MEI1: variants seen among roughly 807,000 people sequenced by gnomAD.
MEI1 encodes meiotic double-stranded break formation protein 1.
MEI1 carries 103 observed loss-of-function variants against 146.2 expected under a neutral mutation model. The ratio of observed to expected loss-of-function variants is 0.70; its 90% CI spans 0.60 to 0.83. The LOEUF is 0.83. Ranked by LOEUF, MEI1 falls within the 40% of genes least tolerant of loss-of-function variation. The pLI, the probability that MEI1 is intolerant of heterozygous loss-of-function variation, is 0.00. For synonymous variants in MEI1, 652 were observed against 628.2 expected (o/e 1.04, Z -0.57); for missense variants, 1,529 against 1,533.0 (o/e 1.00, Z 0.04).
intron 13 of MEI1, among the ~76,000 whole-genome samples, chr22:41,745,669 T>G (rs1237086028): frequency 6.6e-6 from 1 of 151,954 alleles, no homozygotes; most frequent in East Asian, 1.9e-4. Context: ...GAAGTACACA[T>G]AGTTGGGGGA....
Position 41,784,608 on chromosome 22 carries a change from C to G in MEI1, c.3170C>G (p.Ala1057Gly). 1 of 1,611,446 alleles carries G rather than the reference C, an allele frequency of 6.2e-7. No individual in the cohort carries two copies. Among genetic ancestry groups the G allele is most frequent in the Non-Finnish European group, 8.5e-7 (1 of 1,179,536 alleles). ...FPKKKAALLS[A>G]AILCFLRTAL... is the part of the protein sequence containing the mutation. ...GGTGTAAGGAATCTCCTGCTTCCAG[C>G]TGCCATCTTATGCTTCCTGCGGACA... Residue 1057 changes from alanine (A) to glycine (G), a missense_variant and splice_region_variant, in exon 26 of 31, where the codon GCT becomes GGT. Physicochemically the swap from Ala to Gly is moderately conservative, Grantham distance 60. Transcript: ENST00000401548.
intron 30 of MEI1, among the ~76,000 whole-genome samples, chr22:41,798,887 A>G (rs1369541184): frequency 6.6e-6 from 1 of 151,822 alleles, no homozygotes; most frequent in African/African-American, 2.4e-5. Flanking sequence ...AAAAAAAAAA[A>G]AAAAAAGCAA....
chr22:41,780,213 AT>A (rs2148139128), intron 22 of MEI1, among the ~76,000 whole-genome samples: 1 of 152,336 alleles, frequency 6.6e-6, no homozygotes, highest in East Asian at 1.9e-4. Context: ...ATGAAATGTA[AT>A]AGGACATTTA....
chr22:41,759,916 G>A (rs2074362158), intron 18 of MEI1, among the ~76,000 whole-genome samples: 1 of 152,182 alleles, frequency 6.6e-6, no homozygotes, highest in South Asian at 2.1e-4. Context: ...GCTCACATCT[G>A]TAATCCCAGC....
intron 22 of MEI1, 53 bp downstream of exon 22, chr22:41,778,865 G>A (rs1158886931): frequency 4.7e-6 from 6 of 1,289,518 alleles, no homozygotes; most frequent in Non-Finnish European, 6.6e-6. Flanking sequence ...GACGTGCAGT[G>A]GGTGCTCACT....
chr22:41,748,861 T>C (rs923810698), intron 15 of MEI1, among the ~76,000 whole-genome samples: 1 of 152,052 alleles, frequency 6.6e-6, no homozygotes, highest in Admixed American at 6.6e-5. Flanking sequence ...TGGAGTGCAG[T>C]GGTACGAACT....
intron 13 of MEI1, 112 bp downstream of exon 13, chr22:41,745,176 T>A: frequency 1.3e-6 from 1 of 769,242 alleles, no homozygotes; most frequent in Non-Finnish European, 1.9e-6. Context: ...CTCTGCTGTA[T>A]GGCAAAGAGG....
chr22:41,766,894 T>G (rs1002142009), intron 19 of MEI1, among the ~76,000 whole-genome samples: 1 of 152,158 alleles, frequency 6.6e-6, no homozygotes, highest in Non-Finnish European at 1.5e-5. Flanking sequence ...CAGGAAGTTG[T>G]TCTGATTAGA....
At chr22:41,758,039 G>A (rs2074209655) in intron 17 of MEI1, among the ~76,000 whole-genome samples, 1 of 151,990 alleles carries the variant, frequency 6.6e-6, no homozygotes, top group Admixed American at 6.6e-5. Context: ...ACCCAGAACG[G>A]GGAGGTTGCA....
chr22:41,702,845 G>A (rs1330072768), intron 1 of MEI1, among the ~76,000 whole-genome samples: 1 of 151,450 alleles, frequency 6.6e-6, no homozygotes, highest in Non-Finnish European at 1.5e-5. Context: ...TGCAACCTCC[G>A]CCTCCCTGGG....
intron 11 of MEI1, among the ~76,000 whole-genome samples, chr22:41,736,045 T>C (rs1456384285): frequency 1.3e-5 from 2 of 152,052 alleles, no homozygotes; most frequent in Non-Finnish European, 2.9e-5. Flanking sequence ...GAAATCAAGG[T>C]GTCAGCAGGG....
At chr22:41,755,317 C>T (rs1331458004) in intron 17 of MEI1, among the ~76,000 whole-genome samples, 1 of 152,124 alleles carries the variant, frequency 6.6e-6, no homozygotes, top group Non-Finnish European at 1.5e-5. Context: ...GTGTCCTCTC[C>T]CCCACTCTCT....
At position 41,763,239 on chromosome 22, in the gene MEI1, G is replaced by A. The variant is rs905439331; in HGVS notation, c.2186G>A (p.Gly729Asp). Residue 729 changes from glycine (G) to aspartate (D), a missense_variant, in exon 19 of 31, where the codon GGC (glycine) becomes GAC (aspartate). By Grantham distance (94) the Gly-to-Asp change is moderately conservative. This residue lies in a region of MEI1 where 1,212 missense variants were observed against 1,178.9 expected (regional missense o/e 1.03). Coordinates refer to ENST00000401548, the MANE Select transcript of MEI1 (RefSeq NM_152513.4). ...QSFLLSLQDQGERPPLVVFKA... is the reference protein window; with the variant it reads ...QSFLLSLQDQDERPPLVVFKA... ...TTCCTCCTGTCGCTGCAGGACCAGG[G>A]CGAGCGCCCCCCACTGGTGGTCTTC... The A allele has an allele frequency of 2.5e-6, 4 of 1,613,832 alleles. No homozygotes were observed. The highest frequency in any genetic ancestry group is 2.7e-5 in the African/African-American group (2 of 74,938).
chr22:41,736,670 C>G (rs2072401289), intron 11 of MEI1, among the ~76,000 whole-genome samples: 1 of 152,146 alleles, frequency 6.6e-6, no homozygotes, highest in African/African-American at 2.4e-5. Context: ...ACTGGGATTA[C>G]AGGCATGAGT....
At chr22:41,712,301 C>G (rs1402775148) in intron 3 of MEI1, among the ~76,000 whole-genome samples, 4 of 148,582 alleles carry the variant, frequency 2.7e-5, no homozygotes, top group African/African-American at 9.9e-5. Flanking sequence ...GTGGCGCGAT[C>G]TTGGCTCACT....
rs2147229895 is a variant in MEI1, at chr22:41,705,550, T to A, written c.345T>A (p.Ile115=). ...MEDGSVTDLC[I]EVLIQITTQL... ...ATGGGAGTGTGACAGACCTCTGTAT[T>A]GAAGGTAAGTTGAAACCTTGTATCT... The change falls in exon 3 of 31, where the codon ATT becomes ATA. Residue 115 remains isoleucine, a synonymous_variant. Transcript: ENST00000401548. 6.2e-7 allele frequency: 1 copy of A among 1,613,174 alleles called. No homozygotes were observed. The highest frequency in any genetic ancestry group is 8.5e-7 in the Non-Finnish European group (1 of 1,179,210).
At chr22:41,767,941 G>A (rs1375659440) in intron 19 of MEI1, among the ~76,000 whole-genome samples, 1 of 152,170 alleles carries the variant, frequency 6.6e-6, no homozygotes, top group Non-Finnish European at 1.5e-5. Context: ...TGAGAGCAGA[G>A]TATGATTTAA....
At chr22:41,737,249 T>G (rs2072453983) in intron 11 of MEI1, among the ~76,000 whole-genome samples, 1 of 152,052 alleles carries the variant, frequency 6.6e-6, no homozygotes, top group South Asian at 2.1e-4. Context: ...ATTCTTTTTT[T>G]TTTTTGAGAC....
intron 26 of MEI1, among the ~76,000 whole-genome samples, chr22:41,791,549 T>C (rs1289532760): frequency 1.3e-5 from 2 of 152,086 alleles, no homozygotes; most frequent in African/African-American, 4.8e-5. Flanking sequence ...GGAGAGTGCC[T>C]GGAGGTAAGG....
Sources: gnomAD v4.1 joint callset for allele counts (sites outside exome capture counted in the v4.1 genomes callset) on GRCh38, gnomAD v4.1.1 for gene constraint, gnomAD v4.1.1 regional missense constraint, MANE v1.5 for transcripts, NCBI Gene and HGNC (gene_info 2026-07-23, HGNC 2026-07-21) for gene names.